KIAA1671: variants seen among roughly 807,000 people sequenced by gnomAD.
The protein encoded by KIAA1671 is uncharacterized protein KIAA1671.
A neutral mutation model predicts 131.2 loss-of-function variants in KIAA1671; 52 were observed. The observed-to-expected ratio is 0.40, with a 90% CI of 0.32 to 0.50. The LOEUF is 0.50. Among genes scored for constraint, KIAA1671 ranks in the 20% least tolerant of loss-of-function variants. The pLI is 0.73. For synonymous variants in KIAA1671, 1,003 were observed against 961.6 expected (o/e 1.04, Z -0.80); for missense variants, 2,360 against 2,364.2 (o/e 1.00, Z 0.04).
At chr22:25,043,225 AAC>A (rs1219267882) in intron 5 of KIAA1671, among the ~76,000 whole-genome samples, 11 of 152,250 alleles carry the variant, frequency 7.2e-5, no homozygotes, top group South Asian at 6.2e-4. Context: ...CTTTGTTTTT[AAC>A]ACACACACAC....
chr22:25,093,813 TCTCTCTCTCTTTCTCTCTCTGTCTG>T (rs1930233558), intron 6 of KIAA1671, among the ~76,000 whole-genome samples: 1 of 98,176 alleles, frequency 1.0e-5, no homozygotes, highest in African/African-American at 4.1e-5. Context: ...TCTCTCTCTG[TCTCTCTCTCTTTCTCTCTCTGTCTG>T]TCTCTCTCTC....
At chr22:25,009,576 T>C (rs1260023726) in intron 1 of KIAA1671, 1 of 148,132 alleles carries the variant, frequency 6.8e-6, no homozygotes. Flanking sequence ...CCTTCCCCAC[T>C]TTTTTTTTCT....
At chr22:24,959,339 C>G (rs1216503604) in intron 1 of KIAA1671, among the ~76,000 whole-genome samples, 4 of 151,372 alleles carry the variant, frequency 2.6e-5, no homozygotes, top group African/African-American at 9.7e-5. Flanking sequence ...AACCCCATCT[C>G]TACTAAAAAA....
chr22:25,076,247 A>G (rs974172039), intron 6 of KIAA1671, among the ~76,000 whole-genome samples: 6 of 151,976 alleles, frequency 3.9e-5, no homozygotes, highest in Admixed American at 2.6e-4. Flanking sequence ...CAGAAGAGGG[A>G]TTGGTGAATC....
chr22:25,159,068 C>T (rs566839159), intron 6 of KIAA1671, among the ~76,000 whole-genome samples: 1 of 152,280 alleles, frequency 6.6e-6, no homozygotes, highest in Non-Finnish European at 1.5e-5. Context: ...CACTGGGCTT[C>T]TTGGGTCTAG....
chr22:25,139,809 C>T (rs1331791411), intron 6 of KIAA1671, among the ~76,000 whole-genome samples: 2 of 152,120 alleles, frequency 1.3e-5, no homozygotes, highest in Non-Finnish European at 2.9e-5. Flanking sequence ...AAGCCCAGAG[C>T]TCTGCAGATA....
Position 25,028,274 on chromosome 22 carries a change from C to T in KIAA1671, c.275C>T (p.Ser92Phe), listed in dbSNP as rs1294169698. 4 of 1,551,496 alleles carry T rather than the reference C, an allele frequency of 2.6e-6. No individual in the cohort carries two copies. In the East Asian group the frequency reaches 7.3e-5, roughly 28 times the overall value. ...PSLRPSSTGPSPSGGLSEEPA... is the reference protein window; with the variant it reads ...PSLRPSSTGPFPSGGLSEEPA... ...CTGCGGCCCAGTTCGACTGGACCTT[C>T]CCCCTCTGGGGGGCTCTCTGAGGAG... The change falls in exon 3 of 13, where the codon TCC becomes TTC. Residue 92 changes from serine to phenylalanine, a missense_variant. Around this residue, in one of 3 missense-constraint regions of KIAA1671, gnomAD observed 1,185 missense variants for 1,126.2 expected, o/e 1.05. Coordinates refer to ENST00000358431, the MANE Select transcript of KIAA1671 (RefSeq NM_001145206.2).
chr22:24,985,283 CT>C (rs538366258), intron 1 of KIAA1671, among the ~76,000 whole-genome samples: 141 of 152,084 alleles, frequency 9.3e-4, no homozygotes, highest in Middle Eastern at 6.8e-3. Flanking sequence ...GGCTTGTTGG[CT>C]GGATCTGAAA....
chr22:25,176,317 C>A (rs1934025427), intron 8 of KIAA1671: 1 of 152,238 alleles, frequency 6.6e-6, no homozygotes, highest in African/African-American at 2.4e-5. Context: ...GGAAATGATT[C>A]ATTGAAATTA....
chr22:25,049,693 A>AT, intron 6 of KIAA1671: 1 of 233,478 alleles, frequency 4.3e-6, no homozygotes. Flanking sequence ...CCTCTTTGAG[A>AT]TTTTGAGCAA....
intron 1 of KIAA1671, chr22:25,011,071 G>A (rs1227568314): frequency 6.6e-6 from 1 of 151,894 alleles, no homozygotes; most frequent in East Asian, 1.9e-4. Flanking sequence ...TCACCTCCTG[G>A]GTTCAAGTGA....
chr22:25,049,248 G>A lies in KIAA1671; in HGVS notation c.4414G>A (p.Glu1472Lys), dbSNP rs890345683. ...DSHKVLPRDL[E>K]KEDAPQEKER... is the part of the protein sequence containing the mutation. ...GTTTCAGGTGCTGCCACGGGACCTG[G>A]AGAAGGAGGATGCCCCCCAGGAGAA... is the stretch of plus-strand genomic sequence containing the variant. The change falls in exon 6 of 13, where the codon GAG (glutamate) becomes AAG (lysine). Residue 1472 changes from glutamate (E) to lysine (K), a missense_variant. Coordinates refer to ENST00000358431, the MANE Select transcript of KIAA1671 (RefSeq NM_001145206.2). The A allele has an allele frequency of 1.6e-4, 242 of 1,552,020 alleles. No individual in the cohort carries two copies. Among genetic ancestry groups the A allele is most frequent in the Non-Finnish European group, 1.0e-4 (116 of 1,146,976 alleles).
chr22:25,078,005 T>A (rs1009333804), intron 6 of KIAA1671, among the ~76,000 whole-genome samples: 1 of 144,664 alleles, frequency 6.9e-6, no homozygotes, highest in East Asian at 2.5e-4. Context: ...AGGGGTGGAT[T>A]TTATTATTAT....
At chr22:25,025,308 TTGTG>T (rs1168718743) in intron 1 of KIAA1671, among the ~76,000 whole-genome samples, 1 of 152,080 alleles carries the variant, frequency 6.6e-6, no homozygotes, top group Non-Finnish European at 1.5e-5. Flanking sequence ...TTGTAATTGC[TTGTG>T]TGTGTATGTG....
chr22:24,965,399 G>A, intron 1 of KIAA1671, among the ~76,000 whole-genome samples: 1 of 150,380 alleles, frequency 6.6e-6, no homozygotes, highest in Non-Finnish European at 1.5e-5. Flanking sequence ...TGGGTGACAA[G>A]AATGAAACTC....
Position 25,028,842 on chromosome 22 carries a change from G to A in KIAA1671, c.843G>A (p.Arg281=). ...AGAAGACGTGGGTGAGGAAGCCCAG[G>A]CCCTTGTCCATGGACCTCACGGCCC... ...PPEKTWVRKP[R]PLSMDLTARF... The change falls in exon 3 of 13, where the codon AGG becomes AGA. Residue 281 remains arginine (R), a synonymous_variant. Transcript: ENST00000358431. 6.4e-7 allele frequency: 1 copy of A among 1,550,932 alleles called. No homozygotes were observed. Among genetic ancestry groups the A allele is most frequent in the Non-Finnish European group, 8.7e-7 (1 of 1,146,890 alleles).
chr22:24,973,389 G>GTTTTTTTT lies in KIAA1671; in HGVS notation c.-208+20637_-208+20644dup, dbSNP rs57519039. ...TACAGACCCCAAACTGCATATGATG[G>GTTTTTTTT]TTTTTTTTTTTTTTTTTTTTTTTTT... On this transcript the variant is annotated intron_variant, in intron 1 of 12. Coordinates refer to ENST00000358431, the MANE Select transcript of KIAA1671 (RefSeq NM_001145206.2). 8.4e-5 allele frequency among the ~76,000 whole-genome samples: 6 copies of GTTTTTTTT among 71,690 alleles called. 1 individual carries two copies. The highest frequency in any genetic ancestry group is 3.3e-4 in the African/African-American group (6 of 18,040). The allele number at this position is 71,690 out of a possible 152,430, so 47.0% of individuals were successfully genotyped here.
intron 1 of KIAA1671, among the ~76,000 whole-genome samples, chr22:24,979,867 A>G (rs768629331): frequency 3.7e-4 from 56 of 152,162 alleles, no homozygotes; most frequent in Admixed American, 1.0e-3. Flanking sequence ...CATCTGATAC[A>G]AGTGAACCAT....
At chr22:25,037,462 T>C (rs539063710) in intron 4 of KIAA1671, among the ~76,000 whole-genome samples, 42 of 152,224 alleles carry the variant, frequency 2.8e-4, no homozygotes, top group African/African-American at 9.1e-4. Context: ...AGTCAGTGTT[T>C]TTAGAGCACT....
Sources: gnomAD v4.1 joint callset for allele counts (sites outside exome capture counted in the v4.1 genomes callset) on GRCh38, gnomAD v4.1.1 for gene constraint, gnomAD v4.1.1 regional missense constraint, MANE v1.5 for transcripts, NCBI Gene and HGNC (gene_info 2026-07-23, HGNC 2026-07-21) for gene names.